DGKB: variants seen among roughly 807,000 people sequenced by gnomAD.
The protein encoded by DGKB is diacylglycerol kinase beta.
DGKB carries 67 observed loss-of-function variants against 114.3 expected under a neutral mutation model. The observed-to-expected ratio is 0.59, with a 90% CI of 0.48 to 0.72. The LOEUF (loss-of-function observed/expected upper bound fraction) is 0.72. DGKB is among the 30% of genes least tolerant of loss of function. The pLI is 0.00. For synonymous variants in DGKB, 398 were observed against 323.1 expected (o/e 1.23, Z -2.49); for missense variants, 907 against 975.2 (o/e 0.93, Z 0.93).
chr7:14,166,489 A>G (rs187407753), intron 25 of DGKB, among the ~76,000 whole-genome samples: 267 of 152,324 alleles, frequency 1.8e-3, no homozygotes, highest in African/African-American at 6.1e-3. Context: ...TAATATGCCA[A>G]TCTGATGGAG....
At chr7:14,330,104 G>C (rs949096826) in intron 23 of DGKB, among the ~76,000 whole-genome samples, 4 of 151,936 alleles carry the variant, frequency 2.6e-5, no homozygotes, top group African/African-American at 9.7e-5. Context: ...TCAATAGCTA[G>C]AAATATAGAA....
At chr7:14,406,783 A>G (rs777223895) in intron 21 of DGKB, among the ~76,000 whole-genome samples, 3 of 152,120 alleles carry the variant, frequency 2.0e-5, no homozygotes, top group Non-Finnish European at 2.9e-5. Context: ...ACCATATTGC[A>G]TCTCATCTTA....
rs188483202 is a variant in DGKB at position 14,453,809 on chromosome 7, A to G, written c.1835+24352T>C. On this transcript the variant is annotated intron_variant, in intron 21 of 25. Transcript: ENST00000402815. ...GCCAAAGATAGCAGAAAAACAAGTG[A>G]CCTTGGTTGTGTTCCACAAAACATT... 4.3e-3 allele frequency among the ~76,000 whole-genome samples: 660 copies of G among 152,190 alleles called. 2 individuals are homozygous for G. Among genetic ancestry groups the G allele is most frequent in the Non-Finnish European group, 7.6e-3 (514 of 67,996 alleles).
chr7:14,411,277 G>A (rs921556927), intron 21 of DGKB, among the ~76,000 whole-genome samples: 18 of 152,184 alleles, frequency 1.2e-4, no homozygotes, highest in Non-Finnish European at 2.1e-4. Flanking sequence ...GATGTATTAA[G>A]TGCACTGTTT....
intron 6 of DGKB, among the ~76,000 whole-genome samples, chr7:14,705,547 G>A (rs1209144540): frequency 6.6e-6 from 1 of 150,850 alleles, no homozygotes; most frequent in Non-Finnish European, 1.5e-5. Flanking sequence ...AGGAAAAAAT[G>A]TTAAGGGCAG....
At chr7:14,710,412 T>A (rs972614415) in intron 6 of DGKB, among the ~76,000 whole-genome samples, 1 of 152,170 alleles carries the variant, frequency 6.6e-6, no homozygotes, top group Non-Finnish European at 1.5e-5. Context: ...TTGATCTATC[T>A]ATAGATTACT....
chr7:14,889,841 T>C (rs1477396099), intron 1 of DGKB, among the ~76,000 whole-genome samples: 1 of 151,486 alleles, frequency 6.6e-6, no homozygotes. Context: ...GAAGTAGACA[T>C]AATTTTTAAC....
At chr7:14,351,100 T>A (rs1485573946) in intron 21 of DGKB, among the ~76,000 whole-genome samples, 1 of 152,224 alleles carries the variant, frequency 6.6e-6, no homozygotes, top group Non-Finnish European at 1.5e-5. Flanking sequence ...CTATGCTGGT[T>A]AATGGGAAAG....
Position 14,596,455 on chromosome 7 carries a change from T to C in DGKB, c.1433+10979A>G, listed in dbSNP as rs116984414. Among the ~76,000 whole-genome samples the C allele has an allele frequency of 9.7e-3, 1,475 of 152,298 alleles. 11 individuals are homozygous for C. Among genetic ancestry groups the C allele is most frequent in the Admixed American group, 0.016 (244 of 15,298 alleles). On this transcript the variant is annotated intron_variant, in intron 17 of 25. Transcript: ENST00000402815. ...CATGTCTTCTGGCTCTTTAAATTTA[T>C]GTCAGAAAACCAGTGTAAAGTCACA...
At chr7:14,460,609 C>A (rs926452633) in intron 21 of DGKB, among the ~76,000 whole-genome samples, 6 of 151,816 alleles carry the variant, frequency 4.0e-5, no homozygotes, top group Non-Finnish European at 8.8e-5. Flanking sequence ...ATAAAGCAAG[C>A]TCTTAGAGAC....
chr7:14,623,921 C>T (rs997737290), intron 14 of DGKB, among the ~76,000 whole-genome samples: 2 of 152,064 alleles, frequency 1.3e-5, no homozygotes, highest in East Asian at 1.9e-4. Context: ...AGGGTTTATG[C>T]TTTGGCAAAA....
intron 23 of DGKB, among the ~76,000 whole-genome samples, chr7:14,320,738 T>C (rs1004424515): frequency 6.6e-6 from 1 of 152,072 alleles, no homozygotes; most frequent in Non-Finnish European, 1.5e-5. Flanking sequence ...TATAAGCCTC[T>C]GTTATTAGAT....
intron 1 of DGKB, among the ~76,000 whole-genome samples, chr7:14,951,915 C>T (rs1786220610): frequency 6.6e-6 from 1 of 151,906 alleles, no homozygotes; most frequent in East Asian, 1.9e-4. Context: ...TAAAGAGGAT[C>T]TAAATAAAAG....
chr7:14,929,911 T>C (rs916196160), intron 1 of DGKB, among the ~76,000 whole-genome samples: 2 of 152,122 alleles, frequency 1.3e-5, no homozygotes, highest in African/African-American at 2.4e-5. Context: ...TGTTGAGAGA[T>C]AGGGGTTCAG....
At chr7:14,485,722 T>C (rs574265536) in intron 20 of DGKB, among the ~76,000 whole-genome samples, 319 of 117,368 alleles carry the variant, frequency 2.7e-3, no homozygotes, top group Admixed American at 5.6e-3. Flanking sequence ...CCATCTCTAC[T>C]AAAAATACAG....
intron 5 of DGKB, among the ~76,000 whole-genome samples, chr7:14,719,402 A>T (rs907705248): frequency 7.6e-6 from 1 of 132,422 alleles, no homozygotes; most frequent in African/African-American, 2.6e-5. Flanking sequence ...ATCTAACCGA[A>T]ATATGTTCAC....
Position 14,673,036 on chromosome 7 carries a change from A to G in DGKB, c.1036-9T>C. On this transcript the variant is annotated splice_polypyrimidine_tract_variant and intron_variant, in intron 12 of 25. Transcript: ENST00000402815. Reference sequence around the variant, plus strand: ...GCACATTTATTATGCAGCTAGAAAAACAGAAAGGGGGATAGTATCAAATTC... The same window carrying G: ...GCACATTTATTATGCAGCTAGAAAAGCAGAAAGGGGGATAGTATCAAATTC... The G allele has an allele frequency of 6.6e-7, 1 of 1,524,278 alleles. No individual in the cohort carries two copies. The highest frequency in any genetic ancestry group is 8.9e-7 in the Non-Finnish European group (1 of 1,118,792). 94.4% of individuals were successfully genotyped at this position (1,524,278 alleles called of 1,614,324 possible).
chr7:14,632,358 A>C (rs2128851677), intron 13 of DGKB, among the ~76,000 whole-genome samples: 1 of 151,902 alleles, frequency 6.6e-6, no homozygotes, highest in Admixed American at 6.6e-5. Context: ...GTGTTAGGCT[A>C]TGTGCAGCTT....
chr7:14,919,588 A>T (rs1391771514), intron 1 of DGKB, among the ~76,000 whole-genome samples: 2 of 152,222 alleles, frequency 1.3e-5, no homozygotes, highest in African/African-American at 4.8e-5. Context: ...ATTGCAAAAA[A>T]CTGAAAGCAA....
Sources: allele counts gnomAD v4.1 joint callset (sites outside exome capture counted in the v4.1 genomes callset), GRCh38; gene constraint gnomAD v4.1.1; transcripts MANE v1.5; gene names NCBI Gene and HGNC (gene_info 2026-07-23, HGNC 2026-07-21).